The following SLC22A14 variants were observed in gnomAD, a reference collection of about 807,000 sequenced individuals.
The protein encoded by SLC22A14 is organic cation transporter-like 4.
In SLC22A14, 50 loss-of-function variants were observed where a neutral mutation model predicts 53.9. The observed-to-expected ratio is 0.93, with a 90% CI of 0.74 to 1.17. The LOEUF (loss-of-function observed/expected upper bound fraction) is 1.17, where lower values mean the gene tolerates loss of function less well. Among genes scored for constraint, SLC22A14 ranks in the 50% most tolerant of loss-of-function variants. The pLI is 0.00. For missense variants in SLC22A14, 671 were observed against 734.7 expected, an observed-to-expected ratio of 0.91 and a Z score of 1.00; for synonymous variants, 312 against 303.0, an observed-to-expected ratio of 1.03 and a Z score of -0.31.
rs761085371 is a variant in SLC22A14, at chr3:38,308,943, C to T, written c.776-11C>T. ...CGTAACCATGGTTTTGTCCTCTTGGCCTCTGCACAGCCACTGAGTGGTTAG... is the reference window on the plus strand; with the variant it reads ...CGTAACCATGGTTTTGTCCTCTTGGTCTCTGCACAGCCACTGAGTGGTTAG... On this transcript the variant is annotated splice_polypyrimidine_tract_variant and intron_variant, in intron 4 of 10. Transcript: ENST00000448498. The T allele has an allele frequency of 6.2e-7, 1 of 1,612,610 alleles. No individual in the cohort carries two copies. The highest frequency in any genetic ancestry group is 1.3e-5 in the African/African-American group (1 of 74,936).
intron 5 of SLC22A14, 54 bp from the exon 6 acceptor site, chr3:38,312,945 G>A: frequency 6.4e-7 from 1 of 1,559,842 alleles, no homozygotes; most frequent in East Asian, 2.3e-5. Flanking sequence ...AGGGCCAGCA[G>A]GGGGTCTCTG....
At chr3:38,280,393 A>G (rs1194381247), upstream of SLC22A14, among the ~76,000 whole-genome samples, 1 of 152,200 alleles carries the variant, frequency 6.6e-6, no homozygotes, top group Non-Finnish European at 1.5e-5. Context: ...CCTAGAAACA[A>G]TCTGACCCTC....
chr3:38,312,554 C>A (rs973900241), intron 5 of SLC22A14, among the ~76,000 whole-genome samples: 1 of 152,186 alleles, frequency 6.6e-6, no homozygotes, highest in Admixed American at 6.5e-5. Context: ...CAGGGTCCTG[C>A]CCCCTCACAC....
intron 1 of SLC22A14, among the ~76,000 whole-genome samples, chr3:38,291,333 T>G (rs1703909573): frequency 6.6e-6 from 1 of 152,196 alleles, no homozygotes; most frequent in South Asian, 2.1e-4. Context: ...TGTTGACAGT[T>G]AAGTTCTATC....
upstream of SLC22A14, among the ~76,000 whole-genome samples, chr3:38,280,551 G>C (rs1017103190): frequency 3.3e-5 from 5 of 152,072 alleles, no homozygotes; most frequent in Non-Finnish European, 5.9e-5. Context: ...TTTAGCCTAT[G>C]AGCCTCCATC....
chr3:38,312,034 G>T lies in SLC22A14; in HGVS notation c.945-965G>T, dbSNP rs890701732. Among the ~76,000 whole-genome samples, 3 of 152,222 alleles carry T rather than the reference G, an allele frequency of 2.0e-5. No homozygotes were observed. The South Asian group carries it at 6.2e-4, about 32-fold the overall frequency. ...GATGACTGATTGCTGAACCCTGGTG[G>T]GAGAGAGGAGGAGCAGGGCAGGTAT... On this transcript the variant is annotated intron_variant, in intron 5 of 10. Transcript: ENST00000448498.
intron 7 of SLC22A14, 50 bp from the exon 8 acceptor site, chr3:38,313,677 C>CGTGTGTGTGTGTGT (rs764626285): frequency 2.1e-4 from 159 of 762,378 alleles, no homozygotes; most frequent in East Asian, 2.6e-4. Flanking sequence ...TTCCTGGCTC[C>CGTGTGTGTGTGTGT]GTGTGTGTGC....
intron 1 of SLC22A14, among the ~76,000 whole-genome samples, chr3:38,302,781 T>C (rs1383245141): frequency 1.3e-5 from 2 of 152,230 alleles, no homozygotes; most frequent in Admixed American, 6.5e-5. Flanking sequence ...TGTGATTTCC[T>C]TTTTGTACTG....
chr3:38,312,989 G>A lies in SLC22A14; in HGVS notation c.945-10G>A. On this transcript the variant is annotated splice_polypyrimidine_tract_variant and intron_variant, in intron 5 of 10. Transcript: ENST00000448498. The stretch of plus-strand genomic sequence containing the variant: ...AGAACGGTGAGATAAGAGAGGGGCT[G>A]GCCACGCAGGATTCTCCCGGAGTCC... The A allele has an allele frequency of 6.4e-7, 1 of 1,574,288 alleles. No homozygotes were observed.
intron 10 of SLC22A14, among the ~76,000 whole-genome samples, chr3:38,317,845 A>G (rs915354772): frequency 6.6e-6 from 1 of 152,164 alleles, no homozygotes; most frequent in African/African-American, 2.4e-5. Context: ...GGGCACAGAG[A>G]GGTAAGGCCA....
At chr3:38,294,032 T>C (rs919828566) in intron 1 of SLC22A14, among the ~76,000 whole-genome samples, 2 of 152,196 alleles carry the variant, frequency 1.3e-5, no homozygotes, top group Non-Finnish European at 2.9e-5. Context: ...TAATTTGCTA[T>C]AAGTATGAGA....
chr3:38,302,165 C>T (rs1178035865), intron 1 of SLC22A14, among the ~76,000 whole-genome samples: 1 of 148,552 alleles, frequency 6.7e-6, no homozygotes, highest in Non-Finnish European at 1.5e-5. Flanking sequence ...ATCCAGGAGG[C>T]GGAGGTTGCA....
intron 8 of SLC22A14, among the ~76,000 whole-genome samples, chr3:38,314,653 G>A (rs748908391): frequency 2.0e-5 from 3 of 152,224 alleles, no homozygotes; most frequent in Non-Finnish European, 2.9e-5. Flanking sequence ...GGCTAGATCC[G>A]GCCCTGCCTG....
rs112592933 is a variant in SLC22A14 at position 38,316,614 on chromosome 3, G to A, written c.1733+90G>A. ...AGCGTGCGGGACATTGTCCATCCCC[G>A]CCCCTCTGCCGGAGAGCCTGTGACT... is the stretch of plus-strand genomic sequence containing the variant. On this transcript the variant is annotated intron_variant, in intron 10 of 10. Transcript: ENST00000448498. 3.4e-3 allele frequency: 3,984 copies of A among 1,162,086 alleles called. 84 individuals carry two copies. In the African/African-American group the frequency reaches 0.049, roughly 14 times the overall value. The allele number at this position is 1,162,086 out of a possible 1,614,324, so 72.0% of individuals were successfully genotyped here. A position where few individuals can be genotyped will look rare whatever the true frequency, so the allele number is the denominator to read the frequency against.
intron 1 of SLC22A14, among the ~76,000 whole-genome samples, chr3:38,301,459 C>A (rs1339819410): frequency 6.6e-6 from 1 of 152,196 alleles, no homozygotes; most frequent in Non-Finnish European, 1.5e-5. Context: ...CATTGAATGG[C>A]ATACTTTTAC....
intron 1 of SLC22A14, among the ~76,000 whole-genome samples, chr3:38,302,020 G>T (rs1479782813): frequency 6.6e-6 from 1 of 150,826 alleles, no homozygotes; most frequent in Non-Finnish European, 1.5e-5. Flanking sequence ...ATCACCCAAG[G>T]TCAGGAGTTC....
Position 38,316,378 on chromosome 3 carries a change from C to T in SLC22A14, c.1587C>T (p.Ser529=). ...SLASVAGAIL[S]LTIISQTPSL... ...CCTCGGTGGCTGGAGCCATCTTGTC[C>T]CTGACAATCATCAGCCAGACCCCCT... The change falls in exon 10 of 11, where the codon TCC becomes TCT. Residue 529 remains serine (S), a synonymous_variant. Coordinates refer to ENST00000448498, the MANE Select transcript of SLC22A14 (RefSeq NM_001320033.2). The T allele has an allele frequency of 6.2e-7, 1 of 1,614,158 alleles. No individual in the cohort carries two copies. The highest frequency in any genetic ancestry group is 8.5e-7 in the Non-Finnish European group (1 of 1,180,026).
At position 38,318,295 on chromosome 3, in the gene SLC22A14, G is replaced by A. The variant is rs1704676413; in HGVS notation, c.*46G>A. 3.2e-6 allele frequency: 5 copies of A among 1,547,486 alleles called. No homozygotes were observed. Among genetic ancestry groups the A allele is most frequent in the Non-Finnish European group, 4.5e-6 (5 of 1,119,112 alleles). On this transcript the variant is annotated 3_prime_UTR_variant, in exon 11 of 11. Coordinates refer to ENST00000448498, the MANE Select transcript of SLC22A14 (RefSeq NM_001320033.2). The stretch of plus-strand genomic sequence containing the variant: ...TTCTCAATGCCCAGATCCTGAGATT[G>A]GACCCATACCCTGTCTCCAACCCTG...
Position 38,313,215 on chromosome 3 carries a change from G to A in SLC22A14, c.1065+96G>A, listed in dbSNP as rs946332530. 5.2e-6 allele frequency: 8 copies of A among 1,535,038 alleles called. No individual in the cohort carries two copies. The African/African-American group carries it at 9.5e-5, about 18-fold the overall frequency. ...TTCAGGTGGGACATTGGTCCAGAGG[G>A]TGCCCCCAGTCCACTGCTTAAGGAC... is the stretch of plus-strand genomic sequence containing the variant. On this transcript the variant is annotated intron_variant, in intron 6 of 10. Coordinates refer to ENST00000448498, the MANE Select transcript of SLC22A14 (RefSeq NM_001320033.2).
Sources: allele counts gnomAD v4.1 joint callset (sites outside exome capture counted in the v4.1 genomes callset), GRCh38; gene constraint gnomAD v4.1.1; transcripts MANE v1.5; gene names NCBI Gene and HGNC (gene_info 2026-07-23, HGNC 2026-07-21).